Variants in EGFR observed in about 807,000 individuals in gnomAD.
EGFR encodes avian erythroblastic leukemia viral (v-erb-b) oncogene homolog.
In EGFR, 58 loss-of-function variants were observed where a neutral mutation model predicts 143.0. The observed-to-expected ratio is 0.41, with a 90% CI of 0.33 to 0.50. The LOEUF (loss-of-function observed/expected upper bound fraction) is 0.50. EGFR is among the 20% of genes least tolerant of loss of function. The probability of loss-of-function intolerance (pLI) is 0.39; values close to 1 mark genes in which losing one functional copy is unlikely to be tolerated. For missense variants in EGFR, 1,307 were observed against 1,579.0 expected (o/e 0.83, Z 2.92); for synonymous variants, 613 against 594.4 (o/e 1.03, Z -0.45).
At chr7:55,047,436 C>T (rs576264028) in intron 1 of EGFR, among the ~76,000 whole-genome samples, 1 of 152,354 alleles carries the variant, frequency 6.6e-6, no homozygotes, top group East Asian at 1.9e-4. Context: ...TGTACTTGAT[C>T]TGGCCTGCTG....
chr7:55,197,104 T>C (rs1224421418), intron 22 of EGFR, among the ~76,000 whole-genome samples: 2 of 152,204 alleles, frequency 1.3e-5, no homozygotes, highest in Non-Finnish European at 2.9e-5. Flanking sequence ...TTGGGCAGTA[T>C]AGTCATTTTA....
At chr7:55,179,130 T>C (rs1786738553) in intron 19 of EGFR, among the ~76,000 whole-genome samples, 1 of 152,246 alleles carries the variant, frequency 6.6e-6, no homozygotes, top group Admixed American at 6.5e-5. Context: ...AAGCGTGTGC[T>C]AGGGGCTGAC....
intron 27 of EGFR, among the ~76,000 whole-genome samples, chr7:55,204,051 GCTAT>G (rs938981836): frequency 2.6e-5 from 4 of 151,084 alleles, no homozygotes; most frequent in African/African-American, 4.9e-5. Context: ...TAGTTTATTG[GCTAT>G]CTAATATAAT....
chr7:55,096,058 G>A (rs754977552), intron 1 of EGFR, among the ~76,000 whole-genome samples: 6 of 152,078 alleles, frequency 3.9e-5, no homozygotes, highest in Non-Finnish European at 8.8e-5. Flanking sequence ...AGGAGAAAGA[G>A]ATAAAGATAA....
intron 1 of EGFR, among the ~76,000 whole-genome samples, chr7:55,102,333 G>A (rs1008773918): frequency 5.9e-5 from 9 of 152,050 alleles, no homozygotes; most frequent in African/African-American, 1.9e-4. Context: ...AGCCACCTTC[G>A]ACCTCCAGCA....
intron 13 of EGFR, among the ~76,000 whole-genome samples, chr7:55,163,486 T>G (rs1477309146): frequency 1.3e-5 from 2 of 152,248 alleles, no homozygotes; most frequent in Non-Finnish European, 2.9e-5. Flanking sequence ...TTACCCAATA[T>G]GCAAAAACTA....
intron 4 of EGFR, among the ~76,000 whole-genome samples, chr7:55,150,142 A>C (rs1794956218): frequency 6.6e-6 from 1 of 152,206 alleles, no homozygotes; most frequent in Non-Finnish European, 1.5e-5. Flanking sequence ...TTTTCTTTTA[A>C]ATATTTTTAT....
chr7:55,192,672 T>G, intron 21 of EGFR, 94 bp from the exon 22 acceptor site: 2 of 1,148,040 alleles, frequency 1.7e-6, no homozygotes, highest in Non-Finnish European at 2.6e-6. Flanking sequence ...CTCGTCTGTG[T>G]GTGTCACTCG....
intron 1 of EGFR, among the ~76,000 whole-genome samples, chr7:55,115,645 T>G (rs1034312100): frequency 3.9e-5 from 6 of 152,194 alleles, no homozygotes; most frequent in Non-Finnish European, 8.8e-5. Context: ...TTCCCATCCA[T>G]GAGCTCCCTG....
At chr7:55,194,194 T>C (rs559512109) in intron 22 of EGFR, among the ~76,000 whole-genome samples, 5 of 151,636 alleles carry the variant, frequency 3.3e-5, no homozygotes, top group Non-Finnish European at 7.4e-5. Context: ...CCCTCATCTA[T>C]GCTCCAGACA....
At chr7:55,162,772 G>A (rs755900338) in intron 13 of EGFR, among the ~76,000 whole-genome samples, 2 of 152,124 alleles carry the variant, frequency 1.3e-5, no homozygotes, top group African/African-American at 2.4e-5. Context: ...TTGACCAAAG[G>A]GGAGGATGAA....
chr7:55,062,479 A>T (rs1476713430), intron 1 of EGFR, among the ~76,000 whole-genome samples: 1 of 152,144 alleles, frequency 6.6e-6, no homozygotes, highest in Admixed American at 6.5e-5. Flanking sequence ...AAAATAATTA[A>T]CTACTGATCA....
intron 24 of EGFR, chr7:55,200,732 G>T (rs2128970678): frequency 5.9e-6 from 3 of 505,496 alleles, no homozygotes; most frequent in Non-Finnish European, 1.1e-5. Context: ...GTGTCAGGCA[G>T]ACGTGGCTTC....
chr7:55,104,910 C>A (rs1792041610), intron 1 of EGFR, among the ~76,000 whole-genome samples: 1 of 152,218 alleles, frequency 6.6e-6, no homozygotes, highest in South Asian at 2.1e-4. Context: ...TGCAGATCAG[C>A]TGCACTCAGA....
chr7:55,048,771 A>T (rs1280151261), intron 1 of EGFR, among the ~76,000 whole-genome samples: 2 of 152,214 alleles, frequency 1.3e-5, no homozygotes, highest in Non-Finnish European at 2.9e-5. Context: ...TGTCTGTGGC[A>T]CGGCTAGATA....
intron 1 of EGFR, among the ~76,000 whole-genome samples, chr7:55,022,305 C>A (rs1786618254): frequency 6.6e-6 from 1 of 152,138 alleles, no homozygotes. Context: ...TGGAAATAAG[C>A]CCGCCCAGCC....
chr7:55,155,809 C>T (rs1183110054), intron 7 of EGFR, 21 bp from the exon 8 acceptor site: 2 of 1,609,110 alleles, frequency 1.2e-6, no homozygotes, highest in African/African-American at 2.7e-5. Context: ...CATCACCTTC[C>T]TTTCATGCTC....
rs754426793 is a variant in EGFR at position 55,181,395 on chromosome 7, G to A, written c.2386G>A (p.Gly796Ser). 9.3e-6 allele frequency: 15 copies of A among 1,614,046 alleles called. No individual in the cohort carries two copies. Among genetic ancestry groups the A allele is most frequent in the African/African-American group, 2.7e-5 (2 of 74,916 alleles). Residue 796 changes from glycine (G) to serine (S), a missense_variant, in exon 20 of 28, where the codon GGC becomes AGC. Physicochemically the swap from Gly to Ser is moderately conservative, Grantham distance 56 (BLOSUM62 0). Transcript: ENST00000275493. ...GCTCATCACGCAGCTCATGCCCTTC[G>A]GCTGCCTCCTGGACTATGTCCGGGA... ...VQLITQLMPF[G>S]CLLDYVREHK...
At chr7:55,057,531 C>T (rs182116139) in intron 1 of EGFR, among the ~76,000 whole-genome samples, 11 of 152,304 alleles carry the variant, frequency 7.2e-5, no homozygotes, top group Admixed American at 3.9e-4. Context: ...AGAGTAACAC[C>T]GAGGTTTGAG....
Sources: allele counts gnomAD v4.1 joint callset (sites outside exome capture counted in the v4.1 genomes callset), GRCh38; gene constraint gnomAD v4.1.1; transcripts MANE v1.5; gene names NCBI Gene and HGNC (gene_info 2026-07-23, HGNC 2026-07-21).